The following DPH6 variants were observed in gnomAD, a reference collection of about 807,000 sequenced individuals.
The protein encoded by DPH6 is diphthine--ammonia ligase.
A neutral mutation model predicts 38.2 loss-of-function variants in DPH6; 33 were observed. The ratio of observed to expected loss-of-function variants is 0.86; its 90% CI spans 0.65 to 1.15. The LOEUF (loss-of-function observed/expected upper bound fraction) is 1.15, where lower values mean the gene tolerates loss of function less well. DPH6 is among the 50% of genes most tolerant of loss of function. DPH6 has a pLI of 0.00. For synonymous variants in DPH6, 108 were observed against 103.0 expected (o/e 1.05, Z -0.30); for missense variants, 325 against 320.0 (o/e 1.02, Z -0.12).
chr15:35,334,888 A>G (rs920947039), intron 3 of DPH6, among the ~76,000 whole-genome samples: 2 of 150,100 alleles, frequency 1.3e-5, no homozygotes, highest in African/African-American at 4.9e-5. Context: ...GTATCTTTAT[A>G]ATAATTTATA....
At chr15:35,145,113 TTC>T in the DPH6 span, among the ~76,000 whole-genome samples, 1 of 150,546 alleles carries the variant, frequency 6.6e-6, no homozygotes, top group Non-Finnish European at 1.5e-5. Flanking sequence ...AAAATAAGTA[TTC>T]TGTTTTTCTG....
chr15:35,429,294 T>C (rs1273486914), intron 5 of DPH6, among the ~76,000 whole-genome samples: 2 of 152,130 alleles, frequency 1.3e-5, no homozygotes, highest in African/African-American at 4.8e-5. Context: ...TCTCTCCCAT[T>C]TGATTTTACA....
intron 5 of DPH6, 118 bp from the exon 6 acceptor site, chr15:35,411,014 C>G (rs1327748362): frequency 1.2e-6 from 1 of 809,952 alleles, no homozygotes; most frequent in Non-Finnish European, 1.9e-6. Context: ...TTTTGAATTG[C>G]TTTGATCATA....
chr15:35,534,207 G>A (rs779217648), intron 3 of DPH6, among the ~76,000 whole-genome samples: 123 of 151,514 alleles, frequency 8.1e-4, no homozygotes, highest in Non-Finnish European at 1.5e-3. Flanking sequence ...GAGAAACCCC[G>A]TCTCAACTAA....
intron 5 of DPH6, among the ~76,000 whole-genome samples, chr15:35,448,408 G>A (rs1656080973): frequency 6.6e-6 from 1 of 152,080 alleles, no homozygotes. Flanking sequence ...AGAGTGCAGT[G>A]ATGGAATACA....
At chr15:35,237,932 G>C in intron 3 of DPH6, 2 of 1,393,124 alleles carry the variant, frequency 1.4e-6, no homozygotes, top group Middle Eastern at 1.8e-4. Flanking sequence ...GAGTGGAGAG[G>C]AGGAGGAGGA....
At chr15:35,233,649 C>A (rs184549912) in intron 3 of DPH6, among the ~76,000 whole-genome samples, 58 of 152,232 alleles carry the variant, frequency 3.8e-4, no homozygotes, top group Non-Finnish European at 6.6e-4. Flanking sequence ...TCACCTCAAG[C>A]CAAACACTAT....
At chr15:35,218,758 C>G (rs752911086) in exon 4 of DPH6, 2 of 151,088 alleles carry the variant, frequency 1.3e-5, no homozygotes, top group Non-Finnish European at 2.9e-5. Context: ...TAAAACAAAA[C>G]AAGCAGTGTA....
intron 3 of DPH6, among the ~76,000 whole-genome samples, chr15:35,459,074 T>C (rs1460634271): frequency 6.6e-6 from 1 of 152,230 alleles, no homozygotes; most frequent in Non-Finnish European, 1.5e-5. Flanking sequence ...TTGCATATGT[T>C]GTATTCAATT....
Position 35,422,088 on chromosome 15 carries a change from G to A in DPH6, c.506-11192C>T, listed in dbSNP as rs146974171. On this transcript the variant is annotated intron_variant, in intron 5 of 8. Coordinates refer to ENST00000256538, the MANE Select transcript of DPH6 (RefSeq NM_080650.4). ...GTTTTTGGCTTTGAGCAAATTAAAA[G>A]ATGGTGGCACCAAGTGTTATTCCTT... 1.2e-3 allele frequency among the ~76,000 whole-genome samples: 179 copies of A among 151,960 alleles called. 4 individuals are homozygous for A. The East Asian group carries it at 0.03, about 26-fold the overall frequency.
chr15:35,391,460 C>T (rs963002914), intron 6 of DPH6, among the ~76,000 whole-genome samples: 1 of 152,200 alleles, frequency 6.6e-6, no homozygotes, highest in East Asian at 1.9e-4. Context: ...CAGAGGCAGG[C>T]AGGCCTCCTG....
chr15:35,228,986 C>G (rs1451522646), intron 3 of DPH6, among the ~76,000 whole-genome samples: 1 of 152,106 alleles, frequency 6.6e-6, no homozygotes, highest in African/African-American at 2.4e-5. Context: ...TTTCTTTATC[C>G]TTGACCTTTG....
chr15:35,518,255 T>C (rs1039343301), intron 3 of DPH6, among the ~76,000 whole-genome samples: 3 of 152,036 alleles, frequency 2.0e-5, no homozygotes, highest in African/African-American at 2.4e-5. Flanking sequence ...TTAAACTCTG[T>C]TGCTTTGAAA....
intron 5 of DPH6, among the ~76,000 whole-genome samples, chr15:35,447,120 C>T (rs1430831384): frequency 1.3e-5 from 2 of 152,060 alleles, no homozygotes; most frequent in Non-Finnish European, 1.5e-5. Context: ...CCGCCCGCCT[C>T]GGCCTCCCAA....
intron 2 of DPH6, among the ~76,000 whole-genome samples, chr15:35,539,938 G>A (rs1368152684): frequency 3.3e-5 from 5 of 152,010 alleles, no homozygotes; most frequent in Non-Finnish European, 7.4e-5. Flanking sequence ...GGTCCCAGTA[G>A]GAAGTAGAGA....
chr15:35,355,644 G>A (rs1343391862), intron 3 of DPH6, among the ~76,000 whole-genome samples: 4 of 152,198 alleles, frequency 2.6e-5, no homozygotes, highest in Non-Finnish European at 4.4e-5. Context: ...AGTTTCTGCC[G>A]AGAGATCAGC....
intron 3 of DPH6, among the ~76,000 whole-genome samples, chr15:35,235,746 T>C (rs1286026426): frequency 6.6e-6 from 1 of 152,236 alleles, no homozygotes; most frequent in Non-Finnish European, 1.5e-5. Context: ...CTCAAATACT[T>C]GAATTCCTAT....
chr15:35,270,101 G>C (rs1262851728), intron 3 of DPH6, among the ~76,000 whole-genome samples: 1 of 152,158 alleles, frequency 6.6e-6, no homozygotes, highest in Non-Finnish European at 1.5e-5. Flanking sequence ...GCCCGGCCTT[G>C]TTAAGGGTGT....
intron 3 of DPH6, among the ~76,000 whole-genome samples, chr15:35,249,245 C>A (rs1244861785): frequency 6.6e-6 from 1 of 152,170 alleles, no homozygotes; most frequent in Non-Finnish European, 1.5e-5. Context: ...TGAACCTCCT[C>A]TATTCCTGTA....
Sources: gnomAD v4.1 joint callset for allele counts (sites outside exome capture counted in the v4.1 genomes callset) on GRCh38, gnomAD v4.1.1 for gene constraint, MANE v1.5 for transcripts, NCBI Gene and HGNC (gene_info 2026-07-23, HGNC 2026-07-21) for gene names.